The following ARHGDIB variants were observed in gnomAD, a reference collection of about 807,000 sequenced individuals.
ARHGDIB encodes Rho GDP dissociation inhibitor beta.
Under a neutral mutation model 22.6 loss-of-function variants are expected in ARHGDIB, and 20 were observed. The ratio of observed to expected loss-of-function variants is 0.88; its 90% CI spans 0.62 to 1.28. ARHGDIB has a LOEUF of 1.28. Ranked by LOEUF, ARHGDIB falls within the 50% of genes most tolerant of loss-of-function variation. ARHGDIB has a pLI of 0.00. For missense variants in ARHGDIB, 254 were observed against 245.4 expected, an observed-to-expected ratio of 1.04 and a Z score of -0.23; for synonymous variants, 114 against 96.1, an observed-to-expected ratio of 1.19 and a Z score of -1.09.
rs1438891210 is a variant in ARHGDIB at position 14,942,679 on chromosome 12, G to A, written c.449C>T (p.Pro150Leu). The A allele has an allele frequency of 6.2e-7, 1 of 1,614,124 alleles. No homozygotes were observed. Among genetic ancestry groups the A allele is most frequent in the Non-Finnish European group, 8.5e-7 (1 of 1,180,008 alleles). ...TGGAGTGAGGAACTCATACTCCTCA[G>A]GCCGAGGTCCATAGCTGCCAACCAT... ...TFMVGSYGPR[P>L]EEYEFLTPVE... The change falls in exon 6 of 6, where the codon CCT (proline) becomes CTT (leucine). Residue 150 changes from proline (P) to leucine (L), a missense_variant. By Grantham distance (98) the Pro-to-Leu change is moderately conservative. Transcript: ENST00000228945.
At chr12:14,947,080 C>CCAGAGAGCAAAT (rs1864034951) in intron 4 of ARHGDIB, among the ~76,000 whole-genome samples, 1 of 152,180 alleles carries the variant, frequency 6.6e-6, no homozygotes, top group African/African-American at 2.4e-5. Flanking sequence ...ATAGAGAGAG[C>CCAGAGAGCAAAT]AGATGGAGTC....
At chr12:14,947,017 A>G (rs1864032553) in intron 4 of ARHGDIB, among the ~76,000 whole-genome samples, 1 of 151,874 alleles carries the variant, frequency 6.6e-6, no homozygotes, top group Non-Finnish European at 1.5e-5. Context: ...GAGGTCATCC[A>G]TAAACCCTGA....
chr12:14,942,351 C>T lies in ARHGDIB; in HGVS notation c.*171G>A, dbSNP rs1166936177. 2 of 727,954 alleles carry T rather than the reference C, an allele frequency of 2.7e-6. No individual in the cohort carries two copies. The highest frequency in any genetic ancestry group is 4.5e-6 in the Non-Finnish European group (2 of 445,160). 45.1% of individuals were successfully genotyped at this position (727,954 alleles called of 1,614,324 possible). ...GTTGGGTGAAAGCCCGGTTTTAAGCCTCTTGTTCTAGGGACCACGTTGAGT... is the reference window on the plus strand; with the variant it reads ...GTTGGGTGAAAGCCCGGTTTTAAGCTTCTTGTTCTAGGGACCACGTTGAGT... On this transcript the variant is annotated 3_prime_UTR_variant, in exon 6 of 6. Transcript: ENST00000228945.
Position 14,950,543 on chromosome 12 carries a change from G to A in ARHGDIB, c.170C>T (p.Pro57Leu), listed in dbSNP as rs1864143910. Residue 57 changes from proline (P) to leucine (L), a missense_variant, in exon 2 of 6, where the codon CCT becomes CTT. Physicochemically the swap from Pro to Leu is moderately conservative, Grantham distance 98. Coordinates refer to ENST00000228945, the MANE Select transcript of ARHGDIB (RefSeq NM_001175.7). ...CTGTACACACATACCTGTCACCACAGGACCATCTCCCAGCAGCGTTTTCTT... is the reference window on the plus strand; with the variant it reads ...CTGTACACACATACCTGTCACCACAAGACCATCTCCCAGCAGCGTTTTCTT... ...KYKKTLLGDG[P>L]VVTDPKAPNV... The A allele has an allele frequency of 6.2e-7, 1 of 1,613,120 alleles. No individual in the cohort carries two copies. The highest frequency in any genetic ancestry group is 8.5e-7 in the Non-Finnish European group (1 of 1,179,436).
chr12:14,948,761 C>T (rs527413589), intron 3 of ARHGDIB: 3 of 152,160 alleles, frequency 2.0e-5, no homozygotes, highest in Non-Finnish European at 2.9e-5. Context: ...ATTTCTTTAG[C>T]GCTAATTCAG....
At chr12:14,947,423 C>T (rs1864043943) in intron 4 of ARHGDIB, among the ~76,000 whole-genome samples, 1 of 152,146 alleles carries the variant, frequency 6.6e-6, no homozygotes, top group African/African-American at 2.4e-5. Context: ...ATTTTCTTTT[C>T]CTATTGGTTG....
chr12:14,950,945 T>C (rs1864162136), intron 1 of ARHGDIB: 1 of 409,010 alleles, frequency 2.4e-6, no homozygotes, highest in Non-Finnish European at 4.4e-6. Context: ...ACCATTGTAG[T>C]ATCTTCTATT....
At chr12:14,950,496 G>A (rs371164129) in intron 2 of ARHGDIB, 36 bp downstream of exon 2, 7 of 1,554,604 alleles carry the variant, frequency 4.5e-6, no homozygotes, top group South Asian at 1.2e-5. Context: ...CCCTCTCAGC[G>A]ATCTTCCACC....
intron 4 of ARHGDIB, 30 bp downstream of exon 4, chr12:14,947,843 T>G (rs1565460461): frequency 3.9e-6 from 6 of 1,536,064 alleles, no homozygotes; most frequent in Non-Finnish European, 5.4e-6. Flanking sequence ...GATTTAAACT[T>G]TACAAAAACA....
intron 1 of ARHGDIB, among the ~76,000 whole-genome samples, chr12:14,953,934 C>CTTCCTTCCTTCCTTTCTTCT: frequency 7.1e-6 from 1 of 141,712 alleles, no homozygotes; most frequent in South Asian, 2.2e-4. Flanking sequence ...TCTTTCCTTC[C>CTTCCTTCCTTCCTTTCTTCT]TTCCTTCCTT....
intron 5 of ARHGDIB, among the ~76,000 whole-genome samples, chr12:14,944,397 T>C (rs570899668): frequency 3.2e-4 from 49 of 152,272 alleles, no homozygotes; most frequent in African/African-American, 1.1e-3. Flanking sequence ...GGCAAGTTTT[T>C]TCTTTCTTGG....
intron 1 of ARHGDIB, among the ~76,000 whole-genome samples, chr12:14,953,955 TTC>T (rs1322181963): frequency 2.8e-5 from 4 of 144,782 alleles, no homozygotes; most frequent in African/African-American, 1.1e-4. Flanking sequence ...CCTTTCTTCT[TTC>T]CTTCCTTCCT....
intron 3 of ARHGDIB, 93 bp downstream of exon 3, chr12:14,949,709 A>T: frequency 9.1e-7 from 1 of 1,101,734 alleles, no homozygotes. Flanking sequence ...TCTCTGATTC[A>T]CCAGTTTTCT....
rs142178834 is a variant in ARHGDIB, at chr12:14,957,770, A to G, written c.-13+3767T>C. Among the ~76,000 whole-genome samples, 267 of 152,178 alleles carry G rather than the reference A, an allele frequency of 1.8e-3. 1 individual carries two copies. The highest frequency in any genetic ancestry group is 6.2e-3 in the African/African-American group (258 of 41,498). Reference sequence around the variant, plus strand: ...TCTGCAAAATTGTGCTGGATTATGCATCTAGACACACAGGCCATGGATATT... The same window carrying G: ...TCTGCAAAATTGTGCTGGATTATGCGTCTAGACACACAGGCCATGGATATT... On this transcript the variant is annotated intron_variant, in intron 1 of 5. Coordinates refer to ENST00000228945, the MANE Select transcript of ARHGDIB (RefSeq NM_001175.7).
intron 5 of ARHGDIB, 99 bp downstream of exon 5, chr12:14,944,677 A>G (rs1863967214): frequency 6.9e-6 from 8 of 1,160,416 alleles, no homozygotes; most frequent in Middle Eastern, 2.0e-4. Flanking sequence ...CTTTTATTGT[A>G]TTCTCATCTG....
chr12:14,959,075 T>G (rs1357266415), intron 1 of ARHGDIB, among the ~76,000 whole-genome samples: 1 of 152,184 alleles, frequency 6.6e-6, no homozygotes, highest in African/African-American at 2.4e-5. Context: ...GTGAGCTGCG[T>G]TCACGCCCCT....
intron 1 of ARHGDIB, among the ~76,000 whole-genome samples, chr12:14,956,825 T>C (rs1387741901): frequency 6.6e-6 from 1 of 152,216 alleles, no homozygotes; most frequent in African/African-American, 2.4e-5. Context: ...GGGGACTTAA[T>C]CTTCTCAGGC....
intron 1 of ARHGDIB, among the ~76,000 whole-genome samples, chr12:14,960,318 G>A (rs996627531): frequency 6.6e-6 from 1 of 152,148 alleles, no homozygotes; most frequent in Admixed American, 6.6e-5. Flanking sequence ...AAGTATTTCA[G>A]GTCATACCTA....
chr12:14,948,065 G>A (rs918806537), intron 3 of ARHGDIB, 116 bp from the exon 4 acceptor site: 16 of 707,582 alleles, frequency 2.3e-5, no homozygotes, highest in Non-Finnish European at 4.1e-5. Context: ...GGTTCACAGG[G>A]CCCTCAATTC....
Sources: gnomAD v4.1 joint callset for allele counts (sites outside exome capture counted in the v4.1 genomes callset) on GRCh38, gnomAD v4.1.1 for gene constraint, MANE v1.5 for transcripts, NCBI Gene and HGNC (gene_info 2026-07-23, HGNC 2026-07-21) for gene names.